EPHA7: variants seen among roughly 807,000 people sequenced by gnomAD.
The protein encoded by EPHA7 is EPH receptor A7.
Under a neutral mutation model 112.6 loss-of-function variants are expected in EPHA7, and 25 were observed. The ratio of observed to expected loss-of-function variants is 0.22; its 90% CI spans 0.16 to 0.31. EPHA7 has a LOEUF of 0.31. Ranked by LOEUF, EPHA7 falls within the 10% of genes least tolerant of loss-of-function variation. The probability of loss-of-function intolerance (pLI) is 1.00; values close to 1 mark genes in which losing one functional copy is unlikely to be tolerated. For synonymous variants in EPHA7, 437 were observed against 406.5 expected (o/e 1.07, Z -0.90); for missense variants, 962 against 1,212.6 (o/e 0.79, Z 3.07).
intron 5 of EPHA7, among the ~76,000 whole-genome samples, chr6:93,283,635 A>T (rs559294244): frequency 6.6e-6 from 1 of 152,172 alleles, no homozygotes; most frequent in African/African-American, 2.4e-5. Flanking sequence ...CTGCAGCTTC[A>T]CTCCCGAAGC....
chr6:93,406,127 A>G (rs1380930013), intron 3 of EPHA7, among the ~76,000 whole-genome samples: 1 of 151,274 alleles, frequency 6.6e-6, no homozygotes, highest in Non-Finnish European at 1.5e-5. Context: ...CATAAAAATT[A>G]TAAGTGTATG....
intron 3 of EPHA7, among the ~76,000 whole-genome samples, chr6:93,363,496 A>G (rs1031161380): frequency 6.6e-6 from 1 of 152,212 alleles, no homozygotes; most frequent in Admixed American, 6.5e-5. Flanking sequence ...GTTCAACATC[A>G]TTAGCCATTA....
At chr6:93,313,730 T>C (rs530166877) in intron 5 of EPHA7, among the ~76,000 whole-genome samples, 125 of 151,752 alleles carry the variant, frequency 8.2e-4, no homozygotes, top group African/African-American at 2.9e-3. Flanking sequence ...GCTTAAGTTT[T>C]CTTAAAAGAT....
chr6:93,357,892 G>A lies in EPHA7; in HGVS notation c.988+364C>T, dbSNP rs778300246. ...TAGTCTCGAACTCCTGACCTCAGGTGATTATGATCCACCCGCCTTGGCCTC... is the reference window on the plus strand; with the variant it reads ...TAGTCTCGAACTCCTGACCTCAGGTAATTATGATCCACCCGCCTTGGCCTC... On this transcript the variant is annotated intron_variant, in intron 4 of 16. Transcript: ENST00000369303. Among the ~76,000 whole-genome samples, 10 of 152,050 alleles carry A rather than the reference G, an allele frequency of 6.6e-5. No homozygotes were observed. In the South Asian group the frequency reaches 2.1e-3, roughly 32 times the overall value.
intron 2 of EPHA7, among the ~76,000 whole-genome samples, chr6:93,412,179 TAATGA>T (rs1487896619): frequency 6.6e-6 from 1 of 152,090 alleles, no homozygotes; most frequent in Non-Finnish European, 1.5e-5. Flanking sequence ...GATGTCTTAA[TAATGA>T]AATTGTCATG....
rs1376715065 is a variant in EPHA7, at chr6:93,303,123, C to A, written c.1325-30701G>T. On this transcript the variant is annotated intron_variant, in intron 5 of 16. Transcript: ENST00000369303. ...TGAAAAACCTAACTGCTGATGTTTG[C>A]CCGTGATCCTACTTTGCTCACAATT... is the stretch of plus-strand genomic sequence containing the variant. Among the ~76,000 whole-genome samples the A allele has an allele frequency of 2.0e-5, 3 of 152,104 alleles. No homozygotes were observed. The East Asian group carries it at 5.8e-4, about 29-fold the overall frequency.
Position 93,272,349 on chromosome 6 carries a change from T to C in EPHA7, c.1398A>G (p.Pro466=). ...QRSVELSWQE[P]EHPNGVITEY... ...CTGTGATGACTCCATTGGGATGCTC[T>C]GGTTCCTGCCAGGAAAGCTCGACAC... Residue 466 remains proline, a synonymous_variant, in exon 6 of 17, where the codon CCA becomes CCG. Coordinates refer to ENST00000369303, the MANE Select transcript of EPHA7 (RefSeq NM_004440.4). 1 of 1,612,252 alleles carries C rather than the reference T, an allele frequency of 6.2e-7. No individual in the cohort carries two copies. Among genetic ancestry groups the C allele is most frequent in the Non-Finnish European group, 8.5e-7 (1 of 1,178,698 alleles).
intron 3 of EPHA7, among the ~76,000 whole-genome samples, chr6:93,388,224 T>G (rs1010249721): frequency 1.1e-4 from 17 of 152,274 alleles, no homozygotes; most frequent in South Asian, 4.1e-4. Context: ...TTTAATGACA[T>G]AATTTAAGAG....
intron 5 of EPHA7, among the ~76,000 whole-genome samples, chr6:93,286,691 T>C (rs1772081960): frequency 6.6e-6 from 1 of 152,182 alleles, no homozygotes; most frequent in African/African-American, 2.4e-5. Flanking sequence ...AAACTGGGGC[T>C]TGGAAGACTA....
intron 5 of EPHA7, among the ~76,000 whole-genome samples, chr6:93,293,296 A>C (rs1772482232): frequency 6.6e-6 from 1 of 152,056 alleles, no homozygotes; most frequent in African/African-American, 2.4e-5. Context: ...TTTAAGAATT[A>C]TGTTTCAGAA....
At chr6:93,303,904 A>G (rs1338933673) in intron 5 of EPHA7, among the ~76,000 whole-genome samples, 1 of 152,054 alleles carries the variant, frequency 6.6e-6, no homozygotes, top group African/African-American at 2.4e-5. Context: ...GTCAGGTATT[A>G]TCTGTGGAAA....
chr6:93,341,888 T>C (rs1030550843), intron 5 of EPHA7, among the ~76,000 whole-genome samples: 1 of 151,790 alleles, frequency 6.6e-6, no homozygotes, highest in African/African-American at 2.4e-5. Flanking sequence ...ATGCCAAATA[T>C]AATTTAATTT....
In EPHA7 at chr6:93,269,664, G is replaced by A. The variant is rs761692243; in HGVS notation, c.1450-4C>T. ...AGTAGGTCCGTTCCCTTTGATCCTA[G>A]AAACAATATTTAGAGGAAATATTTA... On this transcript the variant is annotated splice_polypyrimidine_tract_variant and splice_region_variant and intron_variant, in intron 6 of 16. Transcript: ENST00000369303. The A allele has an allele frequency of 2.9e-5, 43 of 1,505,378 alleles. No homozygotes were observed. The highest frequency in any genetic ancestry group is 7.3e-5 in the Admixed American group (3 of 41,232). The allele number at this position is 1,505,378 out of a possible 1,614,324, so 93.3% of individuals were successfully genotyped here. A position where few individuals can be genotyped will look rare whatever the true frequency, so the allele number is the denominator to read the frequency against.
At chr6:93,325,844 T>G (rs1049696566) in intron 5 of EPHA7, among the ~76,000 whole-genome samples, 17 of 151,366 alleles carry the variant, frequency 1.1e-4, no homozygotes, top group Admixed American at 8.6e-4. Flanking sequence ...AAAACTTGCT[T>G]AATTCAAACA....
intron 5 of EPHA7, among the ~76,000 whole-genome samples, chr6:93,278,509 A>T (rs1262712510): frequency 6.6e-6 from 1 of 152,096 alleles, no homozygotes. Context: ...TAAGACACAC[A>T]TTATCTATCT....
At chr6:93,276,489 C>G (rs997842815) in intron 5 of EPHA7, among the ~76,000 whole-genome samples, 4 of 152,076 alleles carry the variant, frequency 2.6e-5, no homozygotes, top group African/African-American at 7.2e-5. Context: ...CAGCCGATAA[C>G]TTGATTTCAG....
intron 3 of EPHA7, among the ~76,000 whole-genome samples, chr6:93,378,083 T>C (rs1245273915): frequency 6.6e-6 from 1 of 151,568 alleles, no homozygotes; most frequent in Non-Finnish European, 1.5e-5. Flanking sequence ...CTGCAGAAAA[T>C]GTAAGAGATA....
At chr6:93,385,197 A>G (rs922109386) in intron 3 of EPHA7, among the ~76,000 whole-genome samples, 3 of 152,144 alleles carry the variant, frequency 2.0e-5, no homozygotes, top group African/African-American at 4.8e-5. Flanking sequence ...CCCACAAAAC[A>G]ATGTAACTGA....
chr6:93,412,818 T>C (rs577861907), intron 2 of EPHA7, among the ~76,000 whole-genome samples: 16 of 152,032 alleles, frequency 1.1e-4, no homozygotes, highest in Non-Finnish European at 2.1e-4. Flanking sequence ...AAACCAAAGC[T>C]AATTATTTTA....
Sources: gnomAD v4.1 joint callset for allele counts (sites outside exome capture counted in the v4.1 genomes callset) on GRCh38, gnomAD v4.1.1 for gene constraint, MANE v1.5 for transcripts, NCBI Gene and HGNC (gene_info 2026-07-23, HGNC 2026-07-21) for gene names.